ROBO2: variants seen among roughly 807,000 people sequenced by gnomAD.
ROBO2 encodes the protein roundabout guidance receptor 2.
ROBO2 carries 53 observed loss-of-function variants against 160.8 expected under a neutral mutation model. That is an observed-to-expected ratio of 0.33 (90% CI 0.26 to 0.41). The LOEUF is 0.41. Among genes scored for constraint, ROBO2 ranks in the 10% least tolerant of loss-of-function variants. The pLI is 1.00. For missense variants in ROBO2, 1,577 were observed against 1,722.4 expected (o/e 0.92, Z 1.49); for synonymous variants, 664 against 611.7 (o/e 1.09, Z -1.26).
chr3:77,108,293 C>A (rs1310855110), intron 2 of ROBO2, among the ~76,000 whole-genome samples: 1 of 127,012 alleles, frequency 7.9e-6, no homozygotes, highest in Non-Finnish European at 1.8e-5. Flanking sequence ...TATGTATACA[C>A]ATATGCATAT....
At chr3:76,239,360 G>GTA (rs4054003) in intron 2 of ROBO2, among the ~76,000 whole-genome samples, 84,675 of 149,890 alleles carry the variant, frequency 0.56, 24,183 homozygotes, top group African/African-American at 0.66. Context: ...ATACGTATAT[G>GTA]TATATATATA....
At chr3:76,685,186 G>C (rs1481362700) in intron 2 of ROBO2, among the ~76,000 whole-genome samples, 1 of 134,264 alleles carries the variant, frequency 7.4e-6, no homozygotes. Flanking sequence ...GTTGTGGGTT[G>C]GTTGTGTTTT....
At chr3:76,641,231 G>A (rs2090659543) in intron 2 of ROBO2, among the ~76,000 whole-genome samples, 1 of 152,082 alleles carries the variant, frequency 6.6e-6, no homozygotes, top group Admixed American at 6.6e-5. Context: ...AATAACATTA[G>A]CATTACAGGG....
At chr3:77,414,729 A>G (rs1042192700) in intron 2 of ROBO2, among the ~76,000 whole-genome samples, 1 of 152,180 alleles carries the variant, frequency 6.6e-6, no homozygotes, top group African/African-American at 2.4e-5. Flanking sequence ...GCAGTCCATG[A>G]TGCATTCATT....
At chr3:76,102,558 T>C (rs1462298772) in intron 2 of ROBO2, among the ~76,000 whole-genome samples, 1 of 152,186 alleles carries the variant, frequency 6.6e-6, no homozygotes, top group African/African-American at 2.4e-5. Flanking sequence ...GAAAAGAGTA[T>C]GTTTCAAGAT....
chr3:76,352,789 C>A (rs2074955244), intron 2 of ROBO2, among the ~76,000 whole-genome samples: 1 of 151,964 alleles, frequency 6.6e-6, no homozygotes, highest in South Asian at 2.1e-4. Context: ...TAAACTGTGT[C>A]TGGAAAGTGC....
intron 2 of ROBO2, among the ~76,000 whole-genome samples, chr3:76,828,205 T>G (rs1283553225): frequency 6.6e-6 from 1 of 152,144 alleles, no homozygotes; most frequent in Non-Finnish European, 1.5e-5. Flanking sequence ...GAGTCACAGT[T>G]TCTATGTCAC....
At chr3:77,619,296 ATACCAAG>A (rs1324287150) in intron 22 of ROBO2, among the ~76,000 whole-genome samples, 1 of 152,228 alleles carries the variant, frequency 6.6e-6, no homozygotes, top group African/African-American at 2.4e-5. Flanking sequence ...TATATTTCTG[ATACCAAG>A]TACAAGTTTC....
chr3:76,809,375 G>A (rs1007632653), intron 2 of ROBO2, among the ~76,000 whole-genome samples: 6 of 152,152 alleles, frequency 3.9e-5, no homozygotes, highest in Non-Finnish European at 8.8e-5. Flanking sequence ...CCACTGATAG[G>A]TGGTGCTCCC....
At chr3:76,902,043 A>G (rs1190197750) in intron 2 of ROBO2, among the ~76,000 whole-genome samples, 1 of 152,052 alleles carries the variant, frequency 6.6e-6, no homozygotes, top group Non-Finnish European at 1.5e-5. Context: ...ATGAATAAAT[A>G]TTAAGTAGAC....
intron 2 of ROBO2, among the ~76,000 whole-genome samples, chr3:77,243,948 A>G (rs1442902996): frequency 6.6e-6 from 1 of 152,204 alleles, no homozygotes; most frequent in Admixed American, 6.5e-5. Context: ...CATATTATGA[A>G]ATTCTGTTGT....
intron 2 of ROBO2, among the ~76,000 whole-genome samples, chr3:76,627,799 T>C (rs948336263): frequency 2.0e-5 from 3 of 152,314 alleles, no homozygotes; most frequent in Middle Eastern, 3.4e-3. Context: ...GTATTAATTA[T>C]TTCTGCAGTG....
exon 1 of ROBO2, chr3:75,906,774 A>C (rs1277574724): frequency 6.6e-6 from 1 of 152,142 alleles, no homozygotes; most frequent in Admixed American, 6.6e-5. Context: ...CAGGGGAGGG[A>C]GAGGAAAGAA....
intron 2 of ROBO2, among the ~76,000 whole-genome samples, chr3:77,464,955 A>G (rs991259823): frequency 1.3e-5 from 2 of 152,236 alleles, no homozygotes; most frequent in East Asian, 1.9e-4. Flanking sequence ...CTGAATCTGT[A>G]TATAACATTT....
intron 2 of ROBO2, among the ~76,000 whole-genome samples, chr3:77,409,671 GAGA>G (rs2076542073): frequency 6.6e-6 from 1 of 152,106 alleles, no homozygotes; most frequent in Non-Finnish European, 1.5e-5. Context: ...ATTTTCACTG[GAGA>G]AGGACTGGAC....
chr3:76,973,159 C>G (rs529981129), intron 2 of ROBO2, among the ~76,000 whole-genome samples: 2 of 152,286 alleles, frequency 1.3e-5, no homozygotes, highest in African/African-American at 4.8e-5. Context: ...GTGTCAGAGA[C>G]TACGATTTGC....
At chr3:76,380,932 G>T (rs1482332311) in intron 2 of ROBO2, among the ~76,000 whole-genome samples, 3 of 151,302 alleles carry the variant, frequency 2.0e-5, no homozygotes, top group Non-Finnish European at 4.4e-5. Context: ...CAGTATTTTT[G>T]ATATTCTCCT....
At chr3:76,639,146 A>G (rs1467967792) in intron 2 of ROBO2, among the ~76,000 whole-genome samples, 3 of 152,142 alleles carry the variant, frequency 2.0e-5, no homozygotes, top group African/African-American at 7.2e-5. Context: ...ATATGTATCT[A>G]TACATATGTG....
At chr3:76,684,021 CTGTT>C (rs1284093155) in intron 2 of ROBO2, among the ~76,000 whole-genome samples, 6 of 151,958 alleles carry the variant, frequency 3.9e-5, no homozygotes, top group Non-Finnish European at 5.9e-5. Flanking sequence ...TTTCAAGAGG[CTGTT>C]TGTAACTGCG....
Sources: allele counts gnomAD v4.1 joint callset (sites outside exome capture counted in the v4.1 genomes callset), GRCh38; gene constraint gnomAD v4.1.1; transcripts MANE v1.5; gene names NCBI Gene and HGNC (gene_info 2026-07-23, HGNC 2026-07-21).